The following GRM4 variants were observed in gnomAD, a reference collection of about 807,000 sequenced individuals.
GRM4 encodes glutamate metabotropic receptor 4, also known as metabotropic glutamate receptor 4.
GRM4 carries 28 observed loss-of-function variants against 81.7 expected under a neutral mutation model. The observed-to-expected ratio is 0.34, with a 90% confidence interval of 0.25 to 0.47. GRM4 has a LOEUF of 0.47. Ranked by LOEUF, GRM4 falls within the 20% of genes least tolerant of loss-of-function variation. GRM4 has a pLI of 1.00. For missense variants in GRM4, 948 were observed against 1,290.0 expected (o/e 0.73, Z 4.06); for synonymous variants, 488 against 528.8 (o/e 0.92, Z 1.06).
rs1270708029 is a variant in GRM4 at position 34,111,167 on chromosome 6, C to T, written c.520-19068G>A. ...CACACACACACACGCCAGGATCCAA[C>T]CCTTCCAGGAGCTGGTGGAGGCATG... On this transcript the variant is annotated intron_variant, in intron 2 of 10. Coordinates refer to ENST00000538487, the MANE Select transcript of GRM4 (RefSeq NM_000841.4). This position sits in a 1 kb window ranked among gnomAD's most constrained non-coding sequence, Gnocchi z 5.1. 1 of 155,392 alleles carries T rather than the reference C, an allele frequency of 6.4e-6. No individual in the cohort carries two copies. The highest frequency in any genetic ancestry group is 2.5e-5 in the African/African-American group (1 of 39,302). 9.6% of individuals were successfully genotyped at this position (155,392 alleles called of 1,614,324 possible). A position where few individuals can be genotyped will look rare whatever the true frequency, so the allele number is the denominator to read the frequency against.
rs1765484200 is a variant in GRM4 at position 34,048,996 on chromosome 6, TA to T, written c.1168+7547del. 6.6e-6 allele frequency among the ~76,000 whole-genome samples: 1 copy of T among 152,152 alleles called. No homozygotes were observed. Among genetic ancestry groups the T allele is most frequent in the African/African-American group, 2.4e-5 (1 of 41,420 alleles). On this transcript the variant is annotated intron_variant, in intron 6 of 10. Coordinates refer to ENST00000538487, the MANE Select transcript of GRM4 (RefSeq NM_000841.4). This position sits in a 1 kb window ranked among gnomAD's most constrained non-coding sequence, Gnocchi z 4.0. ...AACTAACACACTAGGTCTTTCTCTT[TA>T]AGGTAGAAATACGAGGTCATTTCTC...
upstream of GRM4, among the ~76,000 whole-genome samples, chr6:34,147,740 A>G (rs577681546): frequency 3.3e-4 from 51 of 152,248 alleles, no homozygotes; most frequent in Non-Finnish European, 6.5e-4. Flanking sequence ...TGATCTTCTC[A>G]GAGGTACCAT....
intron 10 of GRM4, among the ~76,000 whole-genome samples, chr6:34,027,414 C>G (rs1456014529): frequency 6.6e-6 from 1 of 152,136 alleles, no homozygotes; most frequent in Admixed American, 6.5e-5. Context: ...TGGTGCCCTC[C>G]CCCACCACAA....
intron 5 of GRM4, among the ~76,000 whole-genome samples, chr6:34,057,505 G>A (rs976668742): frequency 1.3e-5 from 2 of 152,214 alleles, no homozygotes; most frequent in Admixed American, 6.5e-5. Context: ...CGCTCTGGGC[G>A]GGATAATTCC....
At chr6:34,110,667 G>A (rs867428517) in intron 2 of GRM4, 1 of 1,457,320 alleles carries the variant, frequency 6.9e-7, no homozygotes, top group Non-Finnish European at 9.3e-7. Context: ...CACCTTACAT[G>A]ACATGTCTCT....
chr6:34,050,233 G>T (rs1020507702), intron 6 of GRM4, among the ~76,000 whole-genome samples: 6 of 152,004 alleles, frequency 3.9e-5, no homozygotes, highest in Admixed American at 3.3e-4. Context: ...TCTCCACATG[G>T]CTCTCTCTCT....
rs116109962 is a variant in GRM4 at position 34,066,864 on chromosome 6, G to A, written c.737-4836C>T. 3.6e-3 allele frequency among the ~76,000 whole-genome samples: 542 copies of A among 152,228 alleles called. 3 individuals carry two copies. The highest frequency in any genetic ancestry group is 8.2e-3 in the African/African-American group (339 of 41,546). ...ACAGCAAGGGTGCCGCGGTCCTCAC[G>A]TGGTGCCGCCTGACAGAGAACACAG... On this transcript the variant is annotated intron_variant, in intron 3 of 10. Coordinates refer to ENST00000538487, the MANE Select transcript of GRM4 (RefSeq NM_000841.4).
At position 34,047,300 on chromosome 6, in the gene GRM4, C is replaced by T. The variant is rs1674239627; in HGVS notation, c.1169-6552G>A. On this transcript the variant is annotated intron_variant, in intron 6 of 10. Coordinates refer to ENST00000538487, the MANE Select transcript of GRM4 (RefSeq NM_000841.4). This position sits in a 1 kb window ranked among gnomAD's most constrained non-coding sequence, Gnocchi z 4.5. Reference sequence around the variant, plus strand: ...CTAGTGCTGATTCTCCCCACTCCTTCCCCACCAACATGCGATGGGCGAGGG... The same window carrying T: ...CTAGTGCTGATTCTCCCCACTCCTTTCCCACCAACATGCGATGGGCGAGGG... 6.6e-6 allele frequency among the ~76,000 whole-genome samples: 1 copy of T among 152,140 alleles called. No homozygotes were observed. The highest frequency in any genetic ancestry group is 2.4e-5 in the African/African-American group (1 of 41,418).
At chr6:34,132,555 ATCTG>A (rs61629874) in intron 2 of GRM4, among the ~76,000 whole-genome samples, 12,509 of 152,056 alleles carry the variant, frequency 0.082, 931 homozygotes, top group African/African-American at 0.2. Flanking sequence ...CATTCTTCTT[ATCTG>A]TCTGTCTGTC....
rs1365461110 is a variant in GRM4 at position 34,136,187 on chromosome 6, A to C, written c.-363-2328T>G. ...TCCCTATGAGCTTCATGGTATTTTT[A>C]TCCCTATCTCACAGATGAGGAAGCC... On this transcript the variant is annotated intron_variant, in intron 1 of 10. Transcript: ENST00000538487. This position sits in a 1 kb window ranked among gnomAD's most constrained non-coding sequence, Gnocchi z 4.1. Among the ~76,000 whole-genome samples the C allele has an allele frequency of 6.6e-6, 1 of 152,154 alleles. No individual in the cohort carries two copies. Among genetic ancestry groups the C allele is most frequent in the Non-Finnish European group, 1.5e-5 (1 of 68,024 alleles).
chr6:34,102,293 C>T (rs1561814104), intron 2 of GRM4: 1 of 698,488 alleles, frequency 1.4e-6, no homozygotes, highest in African/African-American at 1.8e-5. Context: ...CAGAATTACA[C>T]TTGGCATTTT....
chr6:34,077,731 T>C (rs1478831326), intron 3 of GRM4, among the ~76,000 whole-genome samples: 1 of 152,184 alleles, frequency 6.6e-6, no homozygotes, highest in Non-Finnish European at 1.5e-5. Flanking sequence ...CTTTGATGTC[T>C]GATTCACCTT....
chr6:34,023,532 C>T (rs1035574390), intron 10 of GRM4, among the ~76,000 whole-genome samples: 2 of 152,144 alleles, frequency 1.3e-5, no homozygotes, highest in African/African-American at 4.8e-5. Context: ...ACACAAGTCC[C>T]CCAGATCCCC....
Position 34,080,962 on chromosome 6 carries a change from G to T in GRM4, c.736+10921C>A, listed in dbSNP as rs1046676875. Among the ~76,000 whole-genome samples the T allele has an allele frequency of 9.2e-5, 14 of 152,126 alleles. No individual in the cohort carries two copies. Among genetic ancestry groups the T allele is most frequent in the Admixed American group, 4.6e-4 (7 of 15,284 alleles). On this transcript the variant is annotated intron_variant, in intron 3 of 10. Transcript: ENST00000538487. The surrounding 1 kb of genome is among the most constrained non-coding windows in gnomAD (Gnocchi z 5.4). ...ACCAGGGACCCTTTGAGATTACCCTGCCCCCATCCCTACCTCTTTCCTCCC... is the reference window on the plus strand; with the variant it reads ...ACCAGGGACCCTTTGAGATTACCCTTCCCCCATCCCTACCTCTTTCCTCCC...
At chr6:34,144,400 G>A (rs1366686408) in intron 1 of GRM4, among the ~76,000 whole-genome samples, 1 of 152,208 alleles carries the variant, frequency 6.6e-6, no homozygotes, top group African/African-American at 2.4e-5. Context: ...CTGCCGGTCC[G>A]CTCGCCCGGC....
chr6:34,133,677 G>C lies in GRM4; in HGVS notation c.-181C>G. ...CTCCTTGTCACTCGGGCCAAGCACA[G>C]TTGCCCGCACAGTCCAGGCCCACAG... is the stretch of plus-strand genomic sequence containing the variant. On this transcript the variant is annotated 5_prime_UTR_variant, in exon 2 of 11. Transcript: ENST00000538487. The surrounding 1 kb of genome is among the most constrained non-coding windows in gnomAD (Gnocchi z 6.5). The C allele has an allele frequency of 7.1e-7, 1 of 1,414,270 alleles. No individual in the cohort carries two copies. The highest frequency in any genetic ancestry group is 1.7e-5 in the South Asian group (1 of 59,738). The allele number at this position is 1,414,270 out of a possible 1,614,324, so 87.6% of individuals were successfully genotyped here.
chr6:34,044,074 AC>A (rs1562020177), intron 6 of GRM4, among the ~76,000 whole-genome samples: 1 of 150,432 alleles, frequency 6.6e-6, no homozygotes, highest in Non-Finnish European at 1.5e-5. Context: ...ACATATATAC[AC>A]AGACACACAC....
intron 9 of GRM4, among the ~76,000 whole-genome samples, chr6:34,030,275 A>C (rs142877111): frequency 1.3e-5 from 2 of 152,208 alleles, no homozygotes; most frequent in East Asian, 3.8e-4. Context: ...TGATTACATC[A>C]GGGTTCCCTG....
chr6:34,085,065 T>G (rs1458728487), intron 3 of GRM4, among the ~76,000 whole-genome samples: 1 of 152,160 alleles, frequency 6.6e-6, no homozygotes, highest in Non-Finnish European at 1.5e-5. Flanking sequence ...CCTGTCTCTG[T>G]CTCACGCTGG....
Sources: gnomAD v4.1 joint callset for allele counts (sites outside exome capture counted in the v4.1 genomes callset) on GRCh38, gnomAD v4.1.1 for gene constraint, Gnocchi (gnomAD v3.1) non-coding constraint, MANE v1.5 for transcripts, NCBI Gene and HGNC (gene_info 2026-07-23, HGNC 2026-07-21) for gene names.